GPC5: variants seen among roughly 807,000 people sequenced by gnomAD.
GPC5 encodes glypican-5.
GPC5 carries 47 observed loss-of-function variants against 53.9 expected under a neutral mutation model. The observed-to-expected ratio is 0.87, with a 90% confidence interval of 0.69 to 1.11. The LOEUF (loss-of-function observed/expected upper bound fraction) is 1.11, where lower values mean the gene tolerates loss of function less well. GPC5 is among the 50% of genes most tolerant of loss of function. GPC5 has a pLI of 0.00. For missense variants in GPC5, 748 were observed against 713.1 expected (o/e 1.05, Z -0.56); for synonymous variants, 286 against 263.3 (o/e 1.09, Z -0.84).
At chr13:92,518,806 A>T (rs973856649) in intron 7 of GPC5, among the ~76,000 whole-genome samples, 1 of 152,232 alleles carries the variant, frequency 6.6e-6, no homozygotes, top group African/African-American at 2.4e-5. Flanking sequence ...AATGGGCTAA[A>T]TTCTCCAATT....
At chr13:91,811,879 T>C (rs950978873) in intron 5 of GPC5, among the ~76,000 whole-genome samples, 2 of 152,232 alleles carry the variant, frequency 1.3e-5, no homozygotes, top group African/African-American at 4.8e-5. Flanking sequence ...TCCTGAATTA[T>C]GTTACTACAT....
At chr13:91,953,771 A>T (rs74436202) in intron 6 of GPC5, among the ~76,000 whole-genome samples, 1 of 152,204 alleles carries the variant, frequency 6.6e-6, no homozygotes, top group Non-Finnish European at 1.5e-5. Context: ...GTGCCTTCTC[A>T]TGGCCAAAGG....
intron 6 of GPC5, among the ~76,000 whole-genome samples, chr13:92,135,200 G>T (rs1566450362): frequency 6.6e-6 from 1 of 152,036 alleles, no homozygotes; most frequent in African/African-American, 2.4e-5. Context: ...ATTAACTCTG[G>T]AGTTGTTTTG....
intron 7 of GPC5, among the ~76,000 whole-genome samples, chr13:92,601,735 T>C (rs1260903211): frequency 6.6e-6 from 1 of 151,968 alleles, no homozygotes; most frequent in Non-Finnish European, 1.5e-5. Flanking sequence ...TATAGCCTAG[T>C]ATTATTAGAT....
intron 7 of GPC5, among the ~76,000 whole-genome samples, chr13:92,266,885 T>G (rs1382541716): frequency 4.7e-5 from 3 of 63,500 alleles, no homozygotes; most frequent in African/African-American, 2.8e-4. Flanking sequence ...AAAAACACAA[T>G]TTTTTTTTTT....
At chr13:91,602,061 C>A (rs1448525024) in intron 2 of GPC5, among the ~76,000 whole-genome samples, 1 of 152,182 alleles carries the variant, frequency 6.6e-6, no homozygotes, top group Admixed American at 6.5e-5. Flanking sequence ...CATCTGGTGT[C>A]TTTTCTACCT....
intron 7 of GPC5, among the ~76,000 whole-genome samples, chr13:92,312,224 C>T (rs1365351357): frequency 6.6e-6 from 1 of 152,148 alleles, no homozygotes; most frequent in Non-Finnish European, 1.5e-5. Flanking sequence ...TTCAACTCCT[C>T]TTTCTAGAAC....
chr13:92,444,451 C>G (rs916831384), intron 7 of GPC5, among the ~76,000 whole-genome samples: 46 of 152,036 alleles, frequency 3.0e-4, no homozygotes, highest in Non-Finnish European at 6.2e-4. Context: ...ATTAGATCAG[C>G]CTGCTGGAAT....
At chr13:92,072,429 G>A (rs2041220063) in intron 6 of GPC5, among the ~76,000 whole-genome samples, 1 of 151,636 alleles carries the variant, frequency 6.6e-6, no homozygotes, top group South Asian at 2.1e-4. Flanking sequence ...ACCATGCCCA[G>A]CTAATTTTTG....
intron 7 of GPC5, among the ~76,000 whole-genome samples, chr13:92,168,867 A>C (rs1377977192): frequency 6.6e-6 from 1 of 152,222 alleles, no homozygotes; most frequent in African/African-American, 2.4e-5. Context: ...ATTCTATTAT[A>C]AAGATACATG....
At chr13:92,771,856 A>G (rs1043190422) in intron 7 of GPC5, among the ~76,000 whole-genome samples, 3 of 152,154 alleles carry the variant, frequency 2.0e-5, no homozygotes, top group African/African-American at 7.2e-5. Flanking sequence ...TCTTACATAT[A>G]TTATGCTTAC....
chr13:92,448,273 AGTATT>A lies in GPC5; in HGVS notation c.1561+303289_1561+303293del, dbSNP rs1231797737. 7.9e-5 allele frequency: 12 copies of A among 152,278 alleles called. 1 individual carries two copies. The East Asian group carries it at 1.9e-3, about 24-fold the overall frequency. 9.4% of individuals were successfully genotyped at this position (152,278 alleles called of 1,614,324 possible). A position where few individuals can be genotyped will look rare whatever the true frequency, so the allele number is the denominator to read the frequency against. ...ATTTATTGGCATTTAAAGAGAATAA[AGTATT>A]GTATATTCATGCATTTTCTTTTGAG... On this transcript the variant is annotated intron_variant, in intron 7 of 7. Coordinates refer to ENST00000377067, the MANE Select transcript of GPC5 (RefSeq NM_004466.6).
chr13:91,407,767 C>A (rs1478871177), intron 1 of GPC5, among the ~76,000 whole-genome samples: 1 of 152,044 alleles, frequency 6.6e-6, no homozygotes, highest in Non-Finnish European at 1.5e-5. Context: ...TGTGGATCAA[C>A]CAGAGGGACC....
At chr13:91,838,028 G>A (rs2038741752) in intron 5 of GPC5, among the ~76,000 whole-genome samples, 2 of 152,114 alleles carry the variant, frequency 1.3e-5, no homozygotes, top group South Asian at 4.1e-4. Flanking sequence ...TAGATAGAAT[G>A]CATTCAACAG....
intron 5 of GPC5, among the ~76,000 whole-genome samples, chr13:91,837,515 A>G (rs747969351): frequency 1.2e-4 from 19 of 152,166 alleles, no homozygotes; most frequent in African/African-American, 4.1e-4. Context: ...ACATTAAATT[A>G]ACAAAAAAGG....
intron 7 of GPC5, among the ~76,000 whole-genome samples, chr13:92,597,856 A>T (rs549319274): frequency 6.6e-6 from 1 of 152,328 alleles, no homozygotes; most frequent in African/African-American, 2.4e-5. Context: ...TCGTTCATTC[A>T]TTCTGTTGCT....
intron 7 of GPC5, among the ~76,000 whole-genome samples, chr13:92,478,136 A>G (rs1879221496): frequency 6.6e-6 from 1 of 152,126 alleles, no homozygotes; most frequent in South Asian, 2.1e-4. Flanking sequence ...TTTGTTCAGT[A>G]TTTTGATTTT....
At chr13:92,028,477 A>T (rs2040817303) in intron 6 of GPC5, among the ~76,000 whole-genome samples, 1 of 152,138 alleles carries the variant, frequency 6.6e-6, no homozygotes, top group South Asian at 2.1e-4. Flanking sequence ...ATTTCAGGTG[A>T]CCGTCTCCCA....
At chr13:92,328,055 C>T (rs147475890) in intron 7 of GPC5, among the ~76,000 whole-genome samples, 6 of 152,246 alleles carry the variant, frequency 3.9e-5, no homozygotes, top group African/African-American at 7.2e-5. Context: ...AGGAGCTTTG[C>T]GTACACCTCT....
Sources: allele counts gnomAD v4.1 joint callset (sites outside exome capture counted in the v4.1 genomes callset), GRCh38; gene constraint gnomAD v4.1.1; transcripts MANE v1.5; gene names NCBI Gene and HGNC (gene_info 2026-07-23, HGNC 2026-07-21).